RAD52: variants seen among roughly 807,000 people sequenced by gnomAD.
RAD52 encodes DNA repair protein RAD52 homolog.
In RAD52, 47 loss-of-function variants were observed where a neutral mutation model predicts 55.5. The ratio of observed to expected loss-of-function variants is 0.85; its 90% CI spans 0.67 to 1.08. The LOEUF is 1.08. RAD52 is among the 50% of genes least tolerant of loss of function. The probability of loss-of-function intolerance (pLI) is 0.00; values close to 1 mark genes in which losing one functional copy is unlikely to be tolerated. For synonymous variants in RAD52, 184 were observed against 198.9 expected, an observed-to-expected ratio of 0.92 and a Z score of 0.63; for missense variants, 468 against 522.8, an observed-to-expected ratio of 0.90 and a Z score of 1.02.
Position 935,428 on chromosome 12 carries a change from T to C in RAD52, c.-18-2352A>G, listed in dbSNP as rs151025885. Among the ~76,000 whole-genome samples, 661 of 150,402 alleles carry C rather than the reference T, an allele frequency of 4.4e-3. 10 individuals are homozygous for C. The highest frequency in any genetic ancestry group is 0.015 in the African/African-American group (630 of 40,794). ...AGCGTTTCGCTCTTGTCGCCTAGGC[T>C]GCCCTGCAGTGGTGTGGTCTCAGCT... On this transcript the variant is annotated intron_variant, in intron 1 of 11. Coordinates refer to ENST00000358495, the MANE Select transcript of RAD52 (RefSeq NM_134424.4).
Position 912,245 on chromosome 12 carries a change from G to A in RAD52, c.*1146C>T, listed in dbSNP as rs911777565. 7 of 195,636 alleles carry A rather than the reference G, an allele frequency of 3.6e-5. No homozygotes were observed. The highest frequency in any genetic ancestry group is 7.4e-5 in the Non-Finnish European group (7 of 94,150). 12.1% of individuals were successfully genotyped at this position (195,636 alleles called of 1,614,324 possible). On this transcript the variant is annotated 3_prime_UTR_variant, in exon 12 of 12. Transcript: ENST00000358495. ...ATGCCAGAAGTGGAAAATTCCACAC[G>A]TGACCTCGTGTGACAAGTCGCAAAG...
At chr12:938,748 C>T (rs1205509609) in intron 1 of RAD52, among the ~76,000 whole-genome samples, 1 of 152,112 alleles carries the variant, frequency 6.6e-6, no homozygotes, top group Non-Finnish European at 1.5e-5. Context: ...GTGTGATCTT[C>T]AATGAAATTT....
intron 1 of RAD52, among the ~76,000 whole-genome samples, chr12:955,939 C>G (rs1374242386): frequency 1.5e-5 from 1 of 67,308 alleles, no homozygotes; most frequent in Non-Finnish European, 4.0e-5. Flanking sequence ...CGCCACCATG[C>G]CCGGCTAATT....
At chr12:939,990 A>G (rs7139393) in intron 1 of RAD52, among the ~76,000 whole-genome samples, 39,911 of 151,756 alleles carry the variant, frequency 0.26, 5,428 homozygotes, top group East Asian at 0.37. Context: ...CAGGAGAATC[A>G]CTTGAACCTG....
chr12:914,673 T>A, intron 9 of RAD52, 141 bp from the exon 10 acceptor site: 1 of 954,614 alleles, frequency 1.0e-6, no homozygotes, highest in Non-Finnish European at 1.5e-6. Context: ...CTTCTGCCAG[T>A]AAAAAGAACT....
upstream of RAD52, among the ~76,000 whole-genome samples, chr12:952,314 T>G (rs1324984928): frequency 6.6e-6 from 1 of 152,020 alleles, no homozygotes; most frequent in African/African-American, 2.4e-5. Context: ...TTCTCAGGCT[T>G]GTCTTAAACT....
intron 7 of RAD52, among the ~76,000 whole-genome samples, chr12:918,446 G>C (rs1956528630): frequency 6.6e-6 from 1 of 152,126 alleles, no homozygotes; most frequent in Non-Finnish European, 1.5e-5. Flanking sequence ...GCCCAGGCTG[G>C]AGTGCAGTGG....
Position 930,624 on chromosome 12 carries a change from G to C in RAD52, c.187-480C>G, listed in dbSNP as rs11571416. ...GTGTCAATCATAAGTTCTTTAAAAA[G>C]TGTTTAATTAAAAAAAAAAAGCAAA... On this transcript the variant is annotated intron_variant, in intron 3 of 11. Coordinates refer to ENST00000358495, the MANE Select transcript of RAD52 (RefSeq NM_134424.4). 2.6e-3 allele frequency among the ~76,000 whole-genome samples: 381 copies of C among 148,428 alleles called. 2 individuals carry two copies. Among genetic ancestry groups the C allele is most frequent in the African/African-American group, 9.2e-3 (369 of 40,242 alleles).
intron 7 of RAD52, among the ~76,000 whole-genome samples, chr12:921,209 A>G (rs1293122815): frequency 6.6e-6 from 1 of 151,750 alleles, no homozygotes; most frequent in Non-Finnish European, 1.5e-5. Flanking sequence ...AAAGAACTAG[A>G]AAAAAAAAGT....
At chr12:915,290 A>G (rs577992918) in intron 9 of RAD52, among the ~76,000 whole-genome samples, 3 of 152,238 alleles carry the variant, frequency 2.0e-5, no homozygotes, top group Non-Finnish European at 4.4e-5. Context: ...TAAGAAGCTA[A>G]ACACCTGCAA....
intron 1 of RAD52, among the ~76,000 whole-genome samples, chr12:936,485 TAA>T (rs71055107): frequency 6.7e-5 from 9 of 134,382 alleles, no homozygotes; most frequent in Non-Finnish European, 4.7e-5. Flanking sequence ...ATTATAAAAG[TAA>T]AAAAAAAAAA....
At chr12:924,577 G>A (rs1956920106) in intron 7 of RAD52, among the ~76,000 whole-genome samples, 1 of 152,152 alleles carries the variant, frequency 6.6e-6, no homozygotes, top group Non-Finnish European at 1.5e-5. Flanking sequence ...GGAGCGACAT[G>A]GCAGGGACCT....
chr12:954,888 T>C (rs1261060654), intron 1 of RAD52, among the ~76,000 whole-genome samples: 1 of 152,204 alleles, frequency 6.6e-6, no homozygotes, highest in Admixed American at 6.5e-5. Context: ...TATGCAACTT[T>C]TTAATTCTGT....
intron 1 of RAD52, among the ~76,000 whole-genome samples, chr12:987,746 G>C (rs191385222): frequency 2.3e-4 from 35 of 152,044 alleles, no homozygotes; most frequent in African/African-American, 7.9e-4. Context: ...TTTTTTTGTA[G>C]AAAAAGGGTT....
chr12:934,299 AT>A (rs1334367157), intron 1 of RAD52, among the ~76,000 whole-genome samples: 1 of 151,270 alleles, frequency 6.6e-6, no homozygotes, highest in Non-Finnish European at 1.5e-5. Flanking sequence ...AAATGTCTTT[AT>A]AAAAATACAA....
chr12:975,598 G>A (rs1340188337), intron 1 of RAD52: 1 of 152,086 alleles, frequency 6.6e-6, no homozygotes, highest in African/African-American at 2.4e-5. Flanking sequence ...GTGGAATTTG[G>A]GCATAAGAGA....
intron 1 of RAD52, among the ~76,000 whole-genome samples, chr12:964,002 A>AG (rs1047261707): frequency 6.6e-6 from 1 of 152,070 alleles, no homozygotes; most frequent in African/African-American, 2.4e-5. Flanking sequence ...TTCCAGACAG[A>AG]GGGAACAGCA....
intron 1 of RAD52, among the ~76,000 whole-genome samples, chr12:961,309 C>CAAAAAAAAAAAAATAAAAAA (rs1958680896): frequency 3.0e-5 from 1 of 33,810 alleles, no homozygotes. Flanking sequence ...GACTCCATCT[C>CAAAAAAAAAAAAATAAAAAA]AAAAAAAAAA....
At position 956,860 on chromosome 12, in the gene RAD52, C is replaced by T. The variant is rs549922421; in HGVS notation, c.-18-23784G>A. Among the ~76,000 whole-genome samples the T allele has an allele frequency of 2.0e-5, 3 of 152,220 alleles. No individual in the cohort carries two copies. The South Asian group carries it at 6.2e-4, about 32-fold the overall frequency. ...CCGCGCCTGGCCCCATTTCCATATT[C>T]TTAAAGTGAGAATAAATAACATCTA... On this transcript the variant is annotated intron_variant, in intron 1 of 11. Coordinates refer to the RAD52 transcript ENST00000430095.
Sources: allele counts gnomAD v4.1 joint callset (sites outside exome capture counted in the v4.1 genomes callset), GRCh38; gene constraint gnomAD v4.1.1; transcripts MANE v1.5; gene names NCBI Gene and HGNC (gene_info 2026-07-23, HGNC 2026-07-21).